The following PCDHGA2 variants were observed in gnomAD, a reference collection of about 807,000 sequenced individuals.
The protein encoded by PCDHGA2 is protocadherin gamma-A2.
In PCDHGA2, 40 loss-of-function variants were observed where a neutral mutation model predicts 59.2. That is an observed-to-expected ratio of 0.68 (90% CI 0.52 to 0.88). The LOEUF (loss-of-function observed/expected upper bound fraction) is 0.88, where lower values mean the gene tolerates loss of function less well. Among genes scored for constraint, PCDHGA2 ranks in the 40% least tolerant of loss-of-function variants. The pLI, the probability that PCDHGA2 is intolerant of heterozygous loss-of-function variation, is 0.00. For missense variants in PCDHGA2, 1,226 were observed against 1,204.0 expected (o/e 1.02, Z -0.27); for synonymous variants, 560 against 526.0 (o/e 1.06, Z -0.89).
chr5:141,392,081 T>A lies in PCDHGA2; in HGVS notation c.2424+50686T>A, dbSNP rs376097159. 3.3e-5 allele frequency: 5 copies of A among 152,350 alleles called. No individual in the cohort carries two copies. In the East Asian group the frequency reaches 7.7e-4, roughly 23 times the overall value. The allele number at this position is 152,350 out of a possible 1,614,324, so 9.4% of individuals were successfully genotyped here. A position where few individuals can be genotyped will look rare whatever the true frequency, so the allele number is the denominator to read the frequency against. On this transcript the variant is annotated intron_variant, in intron 1 of 3. Coordinates refer to ENST00000394576, the MANE Select transcript of PCDHGA2 (RefSeq NM_018915.4). ...TATCGACATGTAATTCAAGTGGCAT[T>A]TAGAAGAATAATTTAAAAGCAACAA...
At chr5:141,423,395 C>G (rs1249200485) in intron 1 of PCDHGA2, 1 of 1,614,060 alleles carries the variant, frequency 6.2e-7, no homozygotes, top group Non-Finnish European at 8.5e-7. Context: ...TGGCATAAGT[C>G]ACGCCTGCTG....
chr5:141,351,693 G>A, intron 1 of PCDHGA2: 1 of 1,613,954 alleles, frequency 6.2e-7, no homozygotes, highest in Middle Eastern at 1.6e-4. Flanking sequence ...CCGGATTTGG[G>A]ACCCAACGGC....
intron 1 of PCDHGA2, chr5:141,355,193 G>A: frequency 6.3e-7 from 1 of 1,594,436 alleles, no homozygotes; most frequent in Non-Finnish European, 8.6e-7. Flanking sequence ...CTCCGCGGCG[G>A]GGTTGTAATG....
At chr5:141,502,035 G>C (rs1371892057) in intron 2 of PCDHGA2, among the ~76,000 whole-genome samples, 1 of 152,078 alleles carries the variant, frequency 6.6e-6, no homozygotes, top group Non-Finnish European at 1.5e-5. Context: ...CCCGCCGCTT[G>C]CCTGCTCTCC....
chr5:141,463,184 T>A (rs62379194), intron 1 of PCDHGA2, among the ~76,000 whole-genome samples: 5,135 of 152,236 alleles, frequency 0.034, 100 homozygotes, highest in Middle Eastern at 0.088. Context: ...CTCAGATTAT[T>A]ATTTAGCCAA....
chr5:141,361,036 A>G (rs778660154), intron 1 of PCDHGA2: 4 of 1,613,510 alleles, frequency 2.5e-6, no homozygotes, highest in Non-Finnish European at 3.4e-6. Flanking sequence ...AACAGGAGAA[A>G]TCACGACAAA....
At chr5:141,376,296 C>A (rs769852070) in intron 1 of PCDHGA2, 44 of 1,614,066 alleles carry the variant, frequency 2.7e-5, no homozygotes, top group Middle Eastern at 1.6e-4. Flanking sequence ...ATGCCCGGCT[C>A]GCACTTTGTG....
intron 1 of PCDHGA2, among the ~76,000 whole-genome samples, chr5:141,446,482 C>CT (rs112180482): frequency 6.3e-4 from 92 of 147,004 alleles, no homozygotes; most frequent in East Asian, 4.0e-3. Context: ...GGTCATCATT[C>CT]TTTTTTTTTT....
chr5:141,506,262 A>G (rs1395369571), intron 3 of PCDHGA2, among the ~76,000 whole-genome samples: 1 of 152,046 alleles, frequency 6.6e-6, no homozygotes, highest in Admixed American at 6.6e-5. Context: ...CGGCCTGGCC[A>G]ACATAGTGAA....
chr5:141,356,144 A>G, intron 1 of PCDHGA2: 2 of 1,613,620 alleles, frequency 1.2e-6, no homozygotes, highest in African/African-American at 1.3e-5. Context: ...TCTGGATTCT[A>G]TGACATAGAT....
At chr5:141,443,054 A>G (rs1591749542) in intron 1 of PCDHGA2, among the ~76,000 whole-genome samples, 1 of 152,218 alleles carries the variant, frequency 6.6e-6, no homozygotes. Flanking sequence ...TTATTGTTCC[A>G]CTGAAGAGCG....
At chr5:141,421,894 C>A in intron 1 of PCDHGA2, 3 of 1,613,704 alleles carry the variant, frequency 1.9e-6, no homozygotes, top group Non-Finnish European at 2.5e-6. Context: ...CGATCCCATC[C>A]GAAAGGGCGC....
At chr5:141,409,098 G>A in intron 1 of PCDHGA2, 2 of 1,613,994 alleles carry the variant, frequency 1.2e-6, no homozygotes, top group Non-Finnish European at 1.7e-6. Flanking sequence ...GAGAAAACAG[G>A]TATGATTAAG....
At position 141,375,795 on chromosome 5, in the gene PCDHGA2, G is replaced by T. The variant is rs765881835; in HGVS notation, c.2424+34400G>T. Reference sequence around the variant, plus strand: ...CTGTACCCCGCCCTCCCCACAGACGGTTCCACTGGCGTGGAGCTGGCGCCC... The same window carrying T: ...CTGTACCCCGCCCTCCCCACAGACGTTTCCACTGGCGTGGAGCTGGCGCCC... On this transcript the variant is annotated intron_variant, in intron 1 of 3. Coordinates refer to ENST00000394576, the MANE Select transcript of PCDHGA2 (RefSeq NM_018915.4). 4 of 1,614,218 alleles carry T rather than the reference G, an allele frequency of 2.5e-6. No individual in the cohort carries two copies. The South Asian group carries it at 3.3e-5, about 13-fold the overall frequency.
intron 1 of PCDHGA2, chr5:141,410,121 A>G (rs1239244343): frequency 1.9e-6 from 3 of 1,612,642 alleles, no homozygotes; most frequent in Non-Finnish European, 2.5e-6. Flanking sequence ...GCAGCCCGCC[A>G]GCGCCTGCTG....
intron 1 of PCDHGA2, chr5:141,356,164 C>T (rs1760136427): frequency 6.2e-7 from 1 of 1,612,932 alleles, no homozygotes; most frequent in Non-Finnish European, 8.5e-7. Flanking sequence ...TGTAGAAGCC[C>T]ATGATGGGCC....
intron 1 of PCDHGA2, chr5:141,427,962 G>T: frequency 2.5e-6 from 4 of 1,590,100 alleles, no homozygotes; most frequent in Non-Finnish European, 3.4e-6. Flanking sequence ...TGTGCCGCGG[G>T]TGCTGTACCC....
chr5:141,489,096 ACT>A lies in PCDHGA2; in HGVS notation c.2425-5710_2425-5709del. The A allele has an allele frequency of 2.0e-6, 1 of 494,278 alleles. No individual in the cohort carries two copies. The allele number at this position is 494,278 out of a possible 1,614,324, so 30.6% of individuals were successfully genotyped here. A position where few individuals can be genotyped will look rare whatever the true frequency, so the allele number is the denominator to read the frequency against. ...CACCCCCGCCACTCGGTGACTAAGA[ACT>A]GCTGCAAGCAGGCAAACCTCCGAGC... On this transcript the variant is annotated intron_variant, in intron 1 of 3. Coordinates refer to ENST00000394576, the MANE Select transcript of PCDHGA2 (RefSeq NM_018915.4). The surrounding 1 kb of genome is among the most constrained non-coding windows in gnomAD (Gnocchi z 4.5).
chr5:141,408,973 T>C (rs754120948), intron 1 of PCDHGA2: 8 of 1,613,718 alleles, frequency 5.0e-6, no homozygotes, highest in South Asian at 1.1e-5. Context: ...ATCTGCCCCC[T>C]GGGTCCCCTG....
Sources: allele counts gnomAD v4.1 joint callset (sites outside exome capture counted in the v4.1 genomes callset), GRCh38; gene constraint gnomAD v4.1.1; non-coding constraint Gnocchi (gnomAD v3.1); transcripts MANE v1.5; gene names NCBI Gene and HGNC (gene_info 2026-07-23, HGNC 2026-07-21).